Variants in PARD3B observed in about 807,000 individuals in gnomAD.
PARD3B encodes par-3 family cell polarity regulator beta, also known as partitioning defective 3 homolog B.
PARD3B carries 103 observed loss-of-function variants against 130.2 expected under a neutral mutation model. That is an observed-to-expected ratio of 0.79 (90% CI 0.67 to 0.93). The LOEUF is 0.93. PARD3B is among the 40% of genes least tolerant of loss of function. The pLI, the probability that PARD3B is intolerant of heterozygous loss-of-function variation, is 0.00. For missense variants in PARD3B, 1,609 were observed against 1,499.2 expected (o/e 1.07, Z -1.21); for synonymous variants, 583 against 553.2 (o/e 1.05, Z -0.76).
At chr2:204,856,604 A>G (rs1010339562) in intron 2 of PARD3B, among the ~76,000 whole-genome samples, 10 of 152,264 alleles carry the variant, frequency 6.6e-5, no homozygotes, top group African/African-American at 2.4e-4. Flanking sequence ...ATGCTATCCA[A>G]TAAATCATTT....
At chr2:205,327,980 G>A (rs748242871) in intron 18 of PARD3B, among the ~76,000 whole-genome samples, 5 of 152,002 alleles carry the variant, frequency 3.3e-5, no homozygotes, top group Non-Finnish European at 5.9e-5. Flanking sequence ...GGTCTAGCTT[G>A]GCCTCTTTCC....
In PARD3B at chr2:205,258,247, C is replaced by T. The variant is rs1426736174; in HGVS notation, c.2185+12425C>T. Among the ~76,000 whole-genome samples, 2 of 152,122 alleles carry T rather than the reference C, an allele frequency of 1.3e-5. No individual in the cohort carries two copies. Among genetic ancestry groups the T allele is most frequent in the South Asian group, 2.1e-4 (1 of 4,832 alleles). On this transcript the variant is annotated intron_variant, in intron 16 of 22. Coordinates refer to ENST00000406610, the MANE Select transcript of PARD3B (RefSeq NM_001302769.2). This position sits in a 1 kb window ranked among gnomAD's most constrained non-coding sequence, Gnocchi z 4.9. ...CACAAGAATACATCCCAAAGCCTCA[C>T]TTTCCACCCTTTCCCGAGCCACCGT...
At chr2:205,569,536 C>T (rs1421981105) in intron 22 of PARD3B, among the ~76,000 whole-genome samples, 1 of 152,134 alleles carries the variant, frequency 6.6e-6, no homozygotes, top group Non-Finnish European at 1.5e-5. Context: ...AATATAGTTT[C>T]AAGCAATATC....
intron 2 of PARD3B, among the ~76,000 whole-genome samples, chr2:204,694,880 G>T (rs1034828180): frequency 3.3e-5 from 5 of 151,976 alleles, no homozygotes; most frequent in Admixed American, 3.3e-4. Context: ...GAATTTGTTT[G>T]CTTGTTGTGT....
chr2:204,970,265 A>G (rs1219230277), intron 3 of PARD3B, among the ~76,000 whole-genome samples: 3 of 152,214 alleles, frequency 2.0e-5, no homozygotes, highest in Non-Finnish European at 4.4e-5. Context: ...ATATGGAGCT[A>G]GTTCTAGACC....
rs751534704 is a variant in PARD3B at position 205,473,654 on chromosome 2, A to ATGTGTGTG, written c.3045-26222_3045-26215dup. Among the ~76,000 whole-genome samples, 33 of 123,676 alleles carry ATGTGTGTG rather than the reference A, an allele frequency of 2.7e-4. No individual in the cohort carries two copies. Among genetic ancestry groups the ATGTGTGTG allele is most frequent in the African/African-American group, 5.7e-4 (16 of 28,310 alleles). The allele number at this position is 123,676 out of a possible 152,430, so 81.1% of individuals were successfully genotyped here. A position where few individuals can be genotyped will look rare whatever the true frequency, so the allele number is the denominator to read the frequency against. On this transcript the variant is annotated intron_variant, in intron 20 of 22. Transcript: ENST00000406610. The surrounding 1 kb of genome is among the most constrained non-coding windows in gnomAD (Gnocchi z 4.9). ...TGTTTCCCAATATAAGGTTATATAT[A>ATGTGTGTG]TGTGTGTGTGTGTGTGTGTGTGTGT...
chr2:204,944,913 G>C (rs1689192541), intron 2 of PARD3B, among the ~76,000 whole-genome samples: 1 of 152,130 alleles, frequency 6.6e-6, no homozygotes, highest in African/African-American at 2.4e-5. Context: ...GGGGGAGTGA[G>C]AGAAAAAATT....
intron 4 of PARD3B, among the ~76,000 whole-genome samples, chr2:205,103,524 A>C (rs1235132061): frequency 1.3e-5 from 2 of 152,140 alleles, no homozygotes. Context: ...GGAATAATGC[A>C]TTCAGATGCA....
intron 18 of PARD3B, among the ~76,000 whole-genome samples, chr2:205,381,458 A>G (rs1377670145): frequency 1.3e-5 from 2 of 151,540 alleles, no homozygotes; most frequent in Non-Finnish European, 2.9e-5. Flanking sequence ...TTCAAAGTAG[A>G]TAATGCCAAG....
intron 3 of PARD3B, among the ~76,000 whole-genome samples, chr2:205,045,639 C>T (rs1698722790): frequency 6.6e-6 from 1 of 151,934 alleles, no homozygotes; most frequent in African/African-American, 2.4e-5. Flanking sequence ...GACTCATAGG[C>T]ATGTGTCTTT....
chr2:205,513,764 G>T (rs2050682413), intron 21 of PARD3B, among the ~76,000 whole-genome samples: 1 of 152,066 alleles, frequency 6.6e-6, no homozygotes, highest in Non-Finnish European at 1.5e-5. Context: ...TGAATAAGGG[G>T]TTCATGTCTG....
Position 204,998,460 on chromosome 2 carries a change from T to TATATATGTATATATGTGTATATA in PARD3B, c.394+33151_394+33152insGTGTATATAATATATGTATATAT, listed in dbSNP as rs1559341953. ...TGTGTGTGTATATATATGTGTATAT[T>TATATATGTATATATGTGTATATA]ATATATGTATATATATGTGTATATA... On this transcript the variant is annotated intron_variant, in intron 3 of 22. Transcript: ENST00000406610. 8.0e-4 allele frequency among the ~76,000 whole-genome samples: 63 copies of TATATATGTATATATGTGTATATA among 78,264 alleles called. 3 individuals are homozygous for TATATATGTATATATGTGTATATA. The highest frequency in any genetic ancestry group is 2.4e-3 in the African/African-American group (45 of 18,632). 51.3% of individuals were successfully genotyped at this position (78,264 alleles called of 152,430 possible). A position where few individuals can be genotyped will look rare whatever the true frequency, so the allele number is the denominator to read the frequency against.
At chr2:205,037,566 CTATA>C (rs962281598) in intron 3 of PARD3B, among the ~76,000 whole-genome samples, 3 of 146,606 alleles carry the variant, frequency 2.0e-5, no homozygotes, top group Admixed American at 1.4e-4. Flanking sequence ...ATACAGTGGA[CTATA>C]TATAAGATAT....
chr2:205,561,695 G>A (rs112638979), intron 22 of PARD3B, among the ~76,000 whole-genome samples: 3 of 152,140 alleles, frequency 2.0e-5, no homozygotes, highest in African/African-American at 4.8e-5. Context: ...AACCCTATCC[G>A]AAGAACCTTC....
intron 1 of PARD3B, among the ~76,000 whole-genome samples, chr2:204,583,576 G>A (rs2032680883): frequency 8.4e-6 from 1 of 119,734 alleles, no homozygotes; most frequent in South Asian, 3.3e-4. Flanking sequence ...GTATACATAT[G>A]TAACTAACCT....
chr2:204,621,545 T>G (rs2034302743), intron 1 of PARD3B, among the ~76,000 whole-genome samples: 1 of 152,206 alleles, frequency 6.6e-6, no homozygotes, highest in Non-Finnish European at 1.5e-5. Flanking sequence ...TTCTAATATA[T>G]CAGTCTGACT....
At chr2:204,822,384 A>G (rs1559172875) in intron 2 of PARD3B, among the ~76,000 whole-genome samples, 1 of 152,366 alleles carries the variant, frequency 6.6e-6, no homozygotes, top group South Asian at 2.1e-4. Flanking sequence ...GGCCTGGTGA[A>G]GATGCTATGA....
intron 18 of PARD3B, among the ~76,000 whole-genome samples, chr2:205,327,316 A>C (rs551547086): frequency 6.6e-6 from 1 of 152,196 alleles, no homozygotes; most frequent in Non-Finnish European, 1.5e-5. Context: ...GCTAACGGGG[A>C]CACACCTGTT....
intron 2 of PARD3B, among the ~76,000 whole-genome samples, chr2:204,766,928 G>A (rs189035493): frequency 1.4e-5 from 2 of 143,866 alleles, no homozygotes; most frequent in East Asian, 2.0e-4. Flanking sequence ...CTGGACTGGA[G>A]TATTCTGCTC....
Sources: allele counts gnomAD v4.1 joint callset (sites outside exome capture counted in the v4.1 genomes callset), GRCh38; gene constraint gnomAD v4.1.1; non-coding constraint Gnocchi (gnomAD v3.1); transcripts MANE v1.5; gene names NCBI Gene and HGNC (gene_info 2026-07-23, HGNC 2026-07-21).